Variants in PCDH7 observed in about 807,000 individuals in gnomAD.
The protein encoded by PCDH7 is protocadherin 7, also known as protocadherin-7.
PCDH7 carries 17 observed loss-of-function variants against 58.9 expected under a neutral mutation model. The observed-to-expected ratio is 0.29, with a 90% CI of 0.20 to 0.43. The LOEUF is 0.43. Among genes scored for constraint, PCDH7 ranks in the 20% least tolerant of loss-of-function variants. The probability of loss-of-function intolerance (pLI) is 1.00; values close to 1 mark genes in which losing one functional copy is unlikely to be tolerated. For missense variants in PCDH7, 1,274 were observed against 1,441.0 expected (o/e 0.88, Z 1.88); for synonymous variants, 664 against 616.4 (o/e 1.08, Z -1.14).
intron 3 of PCDH7, among the ~76,000 whole-genome samples, chr4:30,952,444 A>G (rs943041280): frequency 6.6e-6 from 1 of 151,928 alleles, no homozygotes; most frequent in African/African-American, 2.4e-5. Context: ...GTAAAAAGAC[A>G]GATAGGAAAA....
chr4:30,914,700 T>C (rs1454107325), intron 1 of PCDH7, among the ~76,000 whole-genome samples: 5 of 152,304 alleles, frequency 3.3e-5, no homozygotes, highest in Admixed American at 3.3e-4. Context: ...TGGCCTGAGG[T>C]ATACTACCGT....
chr4:30,830,824 T>G (rs1379523189), intron 1 of PCDH7, among the ~76,000 whole-genome samples: 1 of 152,142 alleles, frequency 6.6e-6, no homozygotes, highest in Admixed American at 6.6e-5. Flanking sequence ...TTATGTATCA[T>G]AATGTTAAAC....
At position 30,864,468 on chromosome 4, in the gene PCDH7, C is replaced by CACACAT. The variant is rs5857209; in HGVS notation, c.71-55684_71-55683insCACATA. Reference sequence around the variant, plus strand: ...ACACACACACACACACACACACACACATTTTTTGTTGCCAAGGGAGCCAGC... The same window carrying CACACAT: ...ACACACACACACACACACACACACACACACATATTTTTTGTTGCCAAGGGAGCCAGC... On this transcript the variant is annotated intron_variant, in intron 1 of 3. Coordinates refer to the PCDH7 transcript ENST00000509759. Among the ~76,000 whole-genome samples the CACACAT allele has an allele frequency of 3.3e-3, 482 of 144,168 alleles. 3 individuals are homozygous for CACACAT. The highest frequency in any genetic ancestry group is 0.014 in the Middle Eastern group (4 of 278). 94.6% of individuals were successfully genotyped at this position (144,168 alleles called of 152,430 possible). A position where few individuals can be genotyped will look rare whatever the true frequency, so the allele number is the denominator to read the frequency against.
intron 3 of PCDH7, among the ~76,000 whole-genome samples, chr4:30,953,972 T>C (rs778126185): frequency 1.3e-5 from 2 of 152,136 alleles, no homozygotes; most frequent in Non-Finnish European, 2.9e-5. Flanking sequence ...TATATTATAT[T>C]GTTACATGGA....
At chr4:31,015,310 G>A (rs1258902262) in intron 3 of PCDH7, among the ~76,000 whole-genome samples, 2 of 152,088 alleles carry the variant, frequency 1.3e-5, no homozygotes, top group African/African-American at 4.8e-5. Context: ...ATGATGAAAT[G>A]CCAAGTCCAT....
chr4:30,985,162 G>A (rs1578489254), intron 3 of PCDH7, among the ~76,000 whole-genome samples: 1 of 152,060 alleles, frequency 6.6e-6, no homozygotes, highest in Admixed American at 6.6e-5. Context: ...TCACCATGTT[G>A]GCCAGGCTGG....
intron 3 of PCDH7, among the ~76,000 whole-genome samples, chr4:30,969,173 C>T (rs905270113): frequency 6.6e-6 from 1 of 152,272 alleles, no homozygotes; most frequent in South Asian, 2.1e-4. Context: ...CAGCCAACGT[C>T]CATCCTGAAT....
chr4:31,142,670 A>G (rs1720408937), exon 4 of PCDH7: 2 of 1,367,786 alleles, frequency 1.5e-6, no homozygotes, highest in Non-Finnish European at 2.0e-6. Context: ...GGCCGCCATC[A>G]TGGGTGACCG....
intron 1 of PCDH7, among the ~76,000 whole-genome samples, chr4:30,739,698 C>T (rs1433947691): frequency 3.3e-5 from 5 of 151,970 alleles, no homozygotes; most frequent in South Asian, 2.1e-4. Context: ...GTGTAGTGGA[C>T]GTATTCATAT....
At chr4:30,940,421 CCAA>C (rs1745886727) in intron 2 of PCDH7, among the ~76,000 whole-genome samples, 1 of 151,488 alleles carries the variant, frequency 6.6e-6, no homozygotes, top group Non-Finnish European at 1.5e-5. Context: ...TTGAAAAATC[CCAA>C]CATTATAGCC....
At chr4:31,075,488 A>G (rs988774140) in intron 3 of PCDH7, among the ~76,000 whole-genome samples, 6 of 152,182 alleles carry the variant, frequency 3.9e-5, no homozygotes, top group Non-Finnish European at 7.3e-5. Context: ...GAAATAATGT[A>G]TAATGTACAT....
chr4:31,113,973 T>C lies in PCDH7; in HGVS notation c.*8-28500T>C, dbSNP rs373052168. On this transcript the variant is annotated intron_variant, in intron 3 of 3. Transcript: ENST00000509759. ...GCAGCCTCCCTGGTAGCTGGGATTA[T>C]AGGCACCCGACACCGGGCTTGGCTA... Among the ~76,000 whole-genome samples, 136 of 151,766 alleles carry C rather than the reference T, an allele frequency of 9.0e-4. 3 individuals are homozygous for C. The South Asian group carries it at 0.027, about 30-fold the overall frequency.
intron 3 of PCDH7, among the ~76,000 whole-genome samples, chr4:31,141,621 T>C (rs566479764): frequency 4.3e-4 from 66 of 152,350 alleles, no homozygotes; most frequent in South Asian, 2.1e-3. Flanking sequence ...TAAGAATTCT[T>C]TGTACATGAT....
chr4:30,903,581 A>T (rs1740507859), intron 1 of PCDH7, among the ~76,000 whole-genome samples: 1 of 151,922 alleles, frequency 6.6e-6, no homozygotes, highest in African/African-American at 2.4e-5. Context: ...TAAAGATCTC[A>T]TCAGATCTTC....
chr4:30,764,409 C>G (rs945236796), intron 1 of PCDH7, among the ~76,000 whole-genome samples: 6 of 152,020 alleles, frequency 3.9e-5, no homozygotes, highest in Admixed American at 6.5e-5. Flanking sequence ...TTGTATCTAA[C>G]TTTAAGTAGT....
intron 1 of PCDH7, among the ~76,000 whole-genome samples, chr4:30,829,677 A>G (rs1729535201): frequency 6.6e-6 from 1 of 152,132 alleles, no homozygotes; most frequent in Non-Finnish European, 1.5e-5. Flanking sequence ...TATTTTAAAC[A>G]GATAAGACTA....
chr4:30,913,638 G>A (rs1211735602), intron 1 of PCDH7, among the ~76,000 whole-genome samples: 1 of 152,134 alleles, frequency 6.6e-6, no homozygotes, highest in African/African-American at 2.4e-5. Context: ...TTTTACGAAA[G>A]GGAATAATGA....
At chr4:30,997,170 C>T (rs1751969786) in intron 3 of PCDH7, among the ~76,000 whole-genome samples, 1 of 151,530 alleles carries the variant, frequency 6.6e-6, no homozygotes, top group South Asian at 2.1e-4. Flanking sequence ...AATTTACCAG[C>T]TAAAGAGCGA....
intron 3 of PCDH7, among the ~76,000 whole-genome samples, chr4:31,140,751 A>C (rs1720152419): frequency 6.6e-6 from 1 of 152,282 alleles, no homozygotes; most frequent in African/African-American, 2.4e-5. Context: ...TAATGCATCT[A>C]AGATACGTAT....
Sources: gnomAD v4.1 joint callset for allele counts (sites outside exome capture counted in the v4.1 genomes callset) on GRCh38, gnomAD v4.1.1 for gene constraint, MANE v1.5 for transcripts, NCBI Gene and HGNC (gene_info 2026-07-23, HGNC 2026-07-21) for gene names.